The following MIOS variants were observed in gnomAD, a reference collection of about 807,000 sequenced individuals.
MIOS encodes meiosis regulator for oocyte development, also known as GATOR2 complex protein MIOS.
Under a neutral mutation model 96.9 loss-of-function variants are expected in MIOS, and 52 were observed. The ratio of observed to expected loss-of-function variants is 0.54; its 90% CI spans 0.43 to 0.68. The LOEUF is 0.68. MIOS is among the 30% of genes least tolerant of loss of function. MIOS has a pLI of 0.00. For missense variants in MIOS, 1,005 were observed against 1,052.8 expected (o/e 0.95, Z 0.63); for synonymous variants, 397 against 359.5 (o/e 1.10, Z -1.18).
intron 9 of MIOS, among the ~76,000 whole-genome samples, chr7:7,593,513 G>T (rs1784107693): frequency 6.6e-6 from 1 of 152,088 alleles, no homozygotes; most frequent in South Asian, 2.1e-4. Flanking sequence ...TGATGCCAAA[G>T]CATCATTGGA....
At chr7:7,602,253 G>A (rs57779332) in intron 11 of MIOS, among the ~76,000 whole-genome samples, 3,089 of 152,260 alleles carry the variant, frequency 0.02, 87 homozygotes, top group African/African-American at 0.07. Flanking sequence ...GAAATAAAGG[G>A]CATTCATTTA....
chr7:7,593,346 T>C (rs1784103801), intron 9 of MIOS, among the ~76,000 whole-genome samples: 1 of 152,220 alleles, frequency 6.6e-6, no homozygotes, highest in Non-Finnish European at 1.5e-5. Flanking sequence ...AGATGAAAGA[T>C]ATGTTGCTTC....
intron 9 of MIOS, among the ~76,000 whole-genome samples, chr7:7,590,518 T>G (rs1784017129): frequency 6.6e-6 from 1 of 152,234 alleles, no homozygotes; most frequent in Non-Finnish European, 1.5e-5. Flanking sequence ...TAAAATCCAG[T>G]CTGATAATTG....
At chr7:7,569,840 G>A (rs1423386821) in intron 3 of MIOS, among the ~76,000 whole-genome samples, 1 of 152,186 alleles carries the variant, frequency 6.6e-6, no homozygotes, top group Non-Finnish European at 1.5e-5. Context: ...CTAACCAGAG[G>A]AAACATCATT....
At chr7:7,571,178 T>C (rs1277076015) in intron 3 of MIOS, among the ~76,000 whole-genome samples, 1 of 152,220 alleles carries the variant, frequency 6.6e-6, no homozygotes, top group African/African-American at 2.4e-5. Context: ...GTTCATTCTT[T>C]TTGAATCTAT....
intron 5 of MIOS, among the ~76,000 whole-genome samples, chr7:7,579,172 A>T (rs1275904416): frequency 2.6e-5 from 4 of 152,184 alleles, no homozygotes; most frequent in Non-Finnish European, 5.9e-5. Flanking sequence ...TCGTTTTCAG[A>T]GATATATTAA....
intron 11 of MIOS, among the ~76,000 whole-genome samples, chr7:7,603,279 A>G (rs1784431106): frequency 6.6e-6 from 1 of 151,770 alleles, no homozygotes; most frequent in South Asian, 2.1e-4. Flanking sequence ...TGAACAGGCA[A>G]CCTACAAAAT....
At chr7:7,601,739 T>A (rs574944921) in intron 11 of MIOS, among the ~76,000 whole-genome samples, 5 of 152,288 alleles carry the variant, frequency 3.3e-5, no homozygotes, top group African/African-American at 1.2e-4. Flanking sequence ...AGCATCATCC[T>A]GATACCAAAG....
At chr7:7,579,961 A>T (rs1454992532) in intron 5 of MIOS, among the ~76,000 whole-genome samples, 1 of 152,216 alleles carries the variant, frequency 6.6e-6, no homozygotes, top group Non-Finnish European at 1.5e-5. Flanking sequence ...GATTTCTATA[A>T]AATAAAAACT....
chr7:7,603,979 G>A (rs528413742), intron 11 of MIOS, among the ~76,000 whole-genome samples: 35 of 151,218 alleles, frequency 2.3e-4, no homozygotes, highest in South Asian at 2.1e-4. Flanking sequence ...TCCAAACACC[G>A]CATGTTCTCA....
intron 11 of MIOS, among the ~76,000 whole-genome samples, chr7:7,601,418 C>G (rs1255260683): frequency 6.6e-6 from 1 of 152,034 alleles, no homozygotes; most frequent in African/African-American, 2.4e-5. Context: ...GAAATACAAA[C>G]TACCATCAGA....
At chr7:7,589,911 T>C (rs1169248097) in intron 9 of MIOS, among the ~76,000 whole-genome samples, 1 of 152,234 alleles carries the variant, frequency 6.6e-6, no homozygotes, top group South Asian at 2.1e-4. Context: ...AACTATAGTC[T>C]TACTTGAAGT....
chr7:7,592,421 C>A (rs990912355), intron 9 of MIOS, among the ~76,000 whole-genome samples: 1 of 152,050 alleles, frequency 6.6e-6, no homozygotes, highest in African/African-American at 2.4e-5. Context: ...TTTAGCAGTC[C>A]CCAACCTTTT....
Position 7,573,473 on chromosome 7 carries a change from C to T in MIOS, c.998C>T (p.Thr333Ile). 6.2e-7 allele frequency: 1 copy of T among 1,614,090 alleles called. No individual in the cohort carries two copies. Among genetic ancestry groups the T allele is most frequent in the Non-Finnish European group, 8.5e-7 (1 of 1,179,964 alleles). Residue 333 changes from threonine to isoleucine, a missense_variant, in exon 4 of 13, where the codon ACA (threonine) becomes ATA (isoleucine). Around this residue, in one of 3 missense-constraint regions of MIOS, gnomAD observed 865 missense variants for 887.9 expected, o/e 0.97. Coordinates refer to ENST00000340080, the MANE Select transcript of MIOS (RefSeq NM_019005.4). This position sits in a 1 kb window ranked among gnomAD's most constrained non-coding sequence, Gnocchi z 5.0. ...NYIASFAWHP[T>I]SQNRMIVVTP... ...ATTGCTTCCTTTGCGTGGCATCCAA[C>T]AAGTCAAAATCGAATGATAGTTGTA...
chr7:7,601,366 G>T (rs577290777), intron 11 of MIOS, among the ~76,000 whole-genome samples: 2 of 151,074 alleles, frequency 1.3e-5, no homozygotes, highest in Admixed American at 1.3e-4. Flanking sequence ...TCAAATAGAC[G>T]CAATAAAAAA....
In MIOS at chr7:7,572,343, A is replaced by G; in HGVS notation, c.-40-93A>G. On this transcript the variant is annotated intron_variant, in intron 3 of 12. Coordinates refer to ENST00000340080, the MANE Select transcript of MIOS (RefSeq NM_019005.4). The surrounding 1 kb of genome is among the most constrained non-coding windows in gnomAD (Gnocchi z 4.8). ...ATATATTGAAAAAGAGGGTTCTTGAATAGAGAATTTTCTGACTTTCTGAAT... is the reference window on the plus strand; with the variant it reads ...ATATATTGAAAAAGAGGGTTCTTGAGTAGAGAATTTTCTGACTTTCTGAAT... The G allele has an allele frequency of 5.1e-6, 3 of 586,090 alleles. No homozygotes were observed. Among genetic ancestry groups the G allele is most frequent in the East Asian group, 5.9e-5 (2 of 33,904 alleles). 36.3% of individuals were successfully genotyped at this position (586,090 alleles called of 1,614,324 possible).
chr7:7,594,661 A>G (rs1366805573), intron 9 of MIOS, among the ~76,000 whole-genome samples: 2 of 152,138 alleles, frequency 1.3e-5, no homozygotes, highest in Non-Finnish European at 2.9e-5. Context: ...TGCTGGGACA[A>G]AGGGTATTCG....
intron 3 of MIOS, among the ~76,000 whole-genome samples, chr7:7,571,019 T>C (rs1783334050): frequency 6.6e-6 from 1 of 152,210 alleles, no homozygotes; most frequent in Non-Finnish European, 1.5e-5. Context: ...TATGTTTGAG[T>C]TGAACTATTT....
chr7:7,590,537 A>T (rs576875026), intron 9 of MIOS, among the ~76,000 whole-genome samples: 193 of 152,330 alleles, frequency 1.3e-3, no homozygotes, highest in Non-Finnish European at 2.1e-3. Flanking sequence ...TGCTGCCTTT[A>T]ATTGGAGTGT....
Sources: allele counts gnomAD v4.1 joint callset (sites outside exome capture counted in the v4.1 genomes callset), GRCh38; gene constraint gnomAD v4.1.1; regional missense constraint gnomAD v4.1.1; non-coding constraint Gnocchi (gnomAD v3.1); transcripts MANE v1.5; gene names NCBI Gene and HGNC (gene_info 2026-07-23, HGNC 2026-07-21).